Variants in UNC13C observed in about 807,000 individuals in gnomAD.
The protein encoded by UNC13C is protein unc-13 homolog C.
A neutral mutation model predicts 245.4 loss-of-function variants in UNC13C; 174 were observed. The observed-to-expected ratio is 0.71, with a 90% CI of 0.63 to 0.80. The LOEUF (loss-of-function observed/expected upper bound fraction) is 0.80, where lower values mean the gene tolerates loss of function less well. Among genes scored for constraint, UNC13C ranks in the 30% least tolerant of loss-of-function variants. The pLI is 0.00. For synonymous variants in UNC13C, 992 were observed against 895.1 expected (o/e 1.11, Z -1.93); for missense variants, 2,829 against 2,602.9 (o/e 1.09, Z -1.89).
intron 1 of UNC13C, among the ~76,000 whole-genome samples, chr15:53,979,201 T>C (rs1437336990): frequency 6.6e-6 from 1 of 152,096 alleles, no homozygotes; most frequent in African/African-American, 2.4e-5. Context: ...AATATCTACA[T>C]AGGGACAAAT....
intron 2 of UNC13C, among the ~76,000 whole-genome samples, chr15:54,029,791 A>T (rs1348705750): frequency 6.6e-6 from 1 of 152,084 alleles, no homozygotes; most frequent in Non-Finnish European, 1.5e-5. Context: ...ATGCGGCCCT[A>T]CTCAGCCTTG....
In UNC13C at chr15:54,014,267, A is replaced by G; in HGVS notation, c.1364A>G (p.Asp455Gly). 1 of 1,613,938 alleles carries G rather than the reference A, an allele frequency of 6.2e-7. No individual in the cohort carries two copies. The highest frequency in any genetic ancestry group is 8.5e-7 in the Non-Finnish European group (1 of 1,179,842). ...CAGTCACCTGATGACAGTGATGAAG[A>G]TCTTGAATCTGACCTCAATAGAAAC... ...NWQSPDDSDE[D>G]LESDLNRNSY... Residue 455 changes from aspartate (D) to glycine (G), a missense_variant, in exon 2 of 33, where the codon GAT becomes GGT. Transcript: ENST00000260323.
intron 17 of UNC13C, among the ~76,000 whole-genome samples, chr15:54,391,160 T>C (rs999737277): frequency 2.6e-5 from 4 of 152,116 alleles, no homozygotes; most frequent in Non-Finnish European, 4.4e-5. Context: ...ACATATCATG[T>C]GTAATAATTT....
At chr15:53,837,614 G>A in the UNC13C span, 2 of 152,184 alleles carry the variant, frequency 1.3e-5, no homozygotes, top group East Asian at 3.8e-4. Context: ...GAGGTACCAG[G>A]CAGCACCAAC....
At chr15:53,935,365 T>A in the UNC13C span, among the ~76,000 whole-genome samples, 16,147 of 152,178 alleles carry the variant, frequency 0.11, 1,210 homozygotes, top group East Asian at 0.33. Context: ...TTCAGAGATA[T>A]GGGGTTTTGT....
chr15:54,345,720 C>A (rs553883368), intron 17 of UNC13C, among the ~76,000 whole-genome samples: 17 of 152,222 alleles, frequency 1.1e-4, no homozygotes, highest in African/African-American at 3.4e-4. Flanking sequence ...AAAATATATC[C>A]ATGTTTACGT....
chr15:54,547,940 C>T (rs1896557614), intron 27 of UNC13C, among the ~76,000 whole-genome samples: 1 of 152,084 alleles, frequency 6.6e-6, no homozygotes, highest in Non-Finnish European at 1.5e-5. Context: ...TTCCCTAGGT[C>T]AGAGGCTCTC....
intron 30 of UNC13C, among the ~76,000 whole-genome samples, chr15:54,592,200 A>G (rs954799661): frequency 1.3e-5 from 2 of 152,088 alleles, no homozygotes; most frequent in Non-Finnish European, 2.9e-5. Flanking sequence ...ATTGAGGCTC[A>G]TTTTATGGCC....
intron 2 of UNC13C, among the ~76,000 whole-genome samples, chr15:54,127,872 A>T (rs1421958555): frequency 4.0e-5 from 6 of 150,798 alleles, no homozygotes; most frequent in Non-Finnish European, 3.0e-5. Flanking sequence ...AGACAAGAAT[A>T]CTCACTCTCA....
chr15:54,465,456 G>T (rs1419637912), intron 19 of UNC13C, among the ~76,000 whole-genome samples: 1 of 151,914 alleles, frequency 6.6e-6, no homozygotes. Context: ...TATGGGGAAG[G>T]GTTAATAAGA....
the UNC13C span, among the ~76,000 whole-genome samples, chr15:53,934,622 A>G: frequency 2.0e-5 from 3 of 152,212 alleles, no homozygotes; most frequent in Non-Finnish European, 2.9e-5. Context: ...CGTAGAAGGT[A>G]TATGTCTTAT....
intron 1 of UNC13C, among the ~76,000 whole-genome samples, chr15:54,006,023 A>T (rs546565177): frequency 2.6e-4 from 40 of 152,328 alleles, no homozygotes; most frequent in African/African-American, 9.6e-4. Flanking sequence ...GTAAATTATT[A>T]TAGTAAAATA....
At chr15:53,907,350 T>A in the UNC13C span, among the ~76,000 whole-genome samples, 1 of 152,184 alleles carries the variant, frequency 6.6e-6, no homozygotes, top group Admixed American at 6.5e-5. Context: ...TAAAACACAA[T>A]GTACCAAAAA....
intron 11 of UNC13C, among the ~76,000 whole-genome samples, chr15:54,295,266 C>A (rs1267858455): frequency 6.6e-6 from 1 of 152,288 alleles, no homozygotes; most frequent in Middle Eastern, 3.4e-3. Context: ...ATATGGACTT[C>A]TTTTCTGTAA....
the UNC13C span, among the ~76,000 whole-genome samples, chr15:53,927,439 T>C: frequency 6.6e-6 from 1 of 152,112 alleles, no homozygotes. Flanking sequence ...TCAAAGGATA[T>C]GTTTGGAGAT....
the UNC13C span, among the ~76,000 whole-genome samples, chr15:53,930,440 G>T: frequency 6.6e-6 from 1 of 152,194 alleles, no homozygotes; most frequent in Non-Finnish European, 1.5e-5. Flanking sequence ...AATTGCTGGT[G>T]ACCATCTTTG....
In UNC13C at chr15:54,264,172, A is replaced by T. The variant is rs557176265; in HGVS notation, c.3453A>T (p.Ala1151=). The part of the protein sequence containing the change: ...DLLNADCLQR[A]AEKSSKHGAE... Reference sequence around the variant, plus strand: ...CCATTGATGTTTCCATCATAGGAGCAGCAGAAAAGAGTTCTAAACATGGTG... The same window carrying T: ...CCATTGATGTTTCCATCATAGGAGCTGCAGAAAAGAGTTCTAAACATGGTG... The change falls in exon 9 of 33, where the codon GCA becomes GCT. Residue 1151 remains alanine (A), a synonymous_variant. Coordinates refer to ENST00000260323, the MANE Select transcript of UNC13C (RefSeq NM_001080534.3). 1.1e-4 allele frequency: 178 copies of T among 1,572,190 alleles called. 1 individual carries two copies. In the South Asian group the frequency reaches 1.6e-3, roughly 14 times the overall value.
At chr15:54,234,141 AC>A (rs1281032990) in intron 4 of UNC13C, among the ~76,000 whole-genome samples, 1 of 152,028 alleles carries the variant, frequency 6.6e-6, no homozygotes, top group Non-Finnish European at 1.5e-5. Context: ...TTTTCACTCC[AC>A]AGAGGTAACT....
At chr15:54,580,954 A>G (rs1898173541) in intron 30 of UNC13C, among the ~76,000 whole-genome samples, 1 of 152,194 alleles carries the variant, frequency 6.6e-6, no homozygotes, top group Non-Finnish European at 1.5e-5. Context: ...TCATATATTT[A>G]TTGAACCTGT....
Sources: gnomAD v4.1 joint callset for allele counts (sites outside exome capture counted in the v4.1 genomes callset) on GRCh38, gnomAD v4.1.1 for gene constraint, MANE v1.5 for transcripts, NCBI Gene and HGNC (gene_info 2026-07-23, HGNC 2026-07-21) for gene names.